Variants in PCSK5 observed in about 807,000 individuals in gnomAD.
PCSK5 encodes proprotein convertase subtilisin/kexin type 5.
A neutral mutation model predicts 233.2 loss-of-function variants in PCSK5; 129 were observed. That is an observed-to-expected ratio of 0.55 (90% CI 0.48 to 0.64). PCSK5 has a LOEUF of 0.64. PCSK5 is among the 30% of genes least tolerant of loss of function. The pLI, the probability that PCSK5 is intolerant of heterozygous loss-of-function variation, is 0.00. For synonymous variants in PCSK5, 825 were observed against 879.2 expected (o/e 0.94, Z 1.09); for missense variants, 2,076 against 2,430.1 (o/e 0.85, Z 3.06).
At chr9:76,159,892 G>A (rs1219256566) in intron 12 of PCSK5, among the ~76,000 whole-genome samples, 1 of 140,758 alleles carries the variant, frequency 7.1e-6, no homozygotes, top group Middle Eastern at 3.6e-3. Context: ...GTGTGATCTC[G>A]GCTCACTGCA....
chr9:76,248,127 A>G (rs1826678908), intron 24 of PCSK5, among the ~76,000 whole-genome samples: 1 of 152,172 alleles, frequency 6.6e-6, no homozygotes, highest in Non-Finnish European at 1.5e-5. Flanking sequence ...ATGGGGTCGC[A>G]CTATACTTAC....
chr9:76,219,708 C>T (rs555051616), intron 20 of PCSK5, among the ~76,000 whole-genome samples: 1 of 152,214 alleles, frequency 6.6e-6, no homozygotes, highest in Non-Finnish European at 1.5e-5. Context: ...CTTCCCCTCT[C>T]CTGCTGCGGG....
chr9:75,996,654 G>T (rs995871011), intron 3 of PCSK5, among the ~76,000 whole-genome samples: 2 of 152,164 alleles, frequency 1.3e-5, no homozygotes, highest in South Asian at 2.1e-4. Flanking sequence ...ATTTCTGCCA[G>T]TGCAAATTAT....
intron 35 of PCSK5, among the ~76,000 whole-genome samples, chr9:76,347,517 C>A (rs1412959945): frequency 6.6e-6 from 1 of 152,172 alleles, no homozygotes; most frequent in Non-Finnish European, 1.5e-5. Flanking sequence ...TGATTTGTCA[C>A]CCAAAGCTGA....
intron 19 of PCSK5, 94 bp from the exon 20 acceptor site, chr9:76,189,537 A>T: frequency 1.3e-6 from 1 of 779,114 alleles, no homozygotes; most frequent in Non-Finnish European, 2.2e-6. Context: ...CTTCAGAGGG[A>T]TAATTAAATG....
intron 30 of PCSK5, 137 bp downstream of exon 30, chr9:76,310,988 T>G: frequency 1.6e-6 from 1 of 607,080 alleles, no homozygotes; most frequent in South Asian, 2.4e-5. Context: ...TTGACTGACA[T>G]GGGTGTGCGC....
chr9:76,046,160 GTTTTTTTTTTTTTTTTTT>G (rs71372041), intron 5 of PCSK5, among the ~76,000 whole-genome samples: 7 of 58,038 alleles, frequency 1.2e-4, no homozygotes, highest in Non-Finnish European at 1.9e-4. Flanking sequence ...TTTTTCTTTT[GTTTTTTTTTTTTTTTTTT>G]TTTTTTTTTT....
chr9:75,911,078 G>T (rs781039015), intron 1 of PCSK5, among the ~76,000 whole-genome samples: 1 of 152,056 alleles, frequency 6.6e-6, no homozygotes. Context: ...AACAGGGAGA[G>T]TAAAGGCTGT....
chr9:76,201,564 G>A (rs777725125), intron 20 of PCSK5, among the ~76,000 whole-genome samples: 8 of 152,196 alleles, frequency 5.3e-5, no homozygotes, highest in Middle Eastern at 3.2e-3. Context: ...TGGAGTGTGC[G>A]ACGGGTTTCT....
At chr9:76,126,653 G>C (rs1253649147) in intron 9 of PCSK5, among the ~76,000 whole-genome samples, 1 of 152,130 alleles carries the variant, frequency 6.6e-6, no homozygotes, top group African/African-American at 2.4e-5. Flanking sequence ...GGATGGACTA[G>C]AGACTGTTAT....
chr9:76,152,555 T>C (rs1329722794), intron 10 of PCSK5, among the ~76,000 whole-genome samples: 1 of 152,212 alleles, frequency 6.6e-6, no homozygotes, highest in Non-Finnish European at 1.5e-5. Context: ...TCTTTCACTT[T>C]AGGAAGCTCA....
chr9:76,268,919 C>A (rs1827422678), intron 24 of PCSK5, among the ~76,000 whole-genome samples: 1 of 152,188 alleles, frequency 6.6e-6, no homozygotes, highest in South Asian at 2.1e-4. Context: ...TGGATTTAGT[C>A]CTCAAGCTGC....
intron 2 of PCSK5, among the ~76,000 whole-genome samples, chr9:75,951,774 C>G: frequency 6.9e-6 from 1 of 145,120 alleles, no homozygotes. Context: ...AAATTAAAAA[C>G]AAAAATACAG....
At chr9:75,985,682 A>T (rs1347605374) in intron 2 of PCSK5, among the ~76,000 whole-genome samples, 4 of 152,198 alleles carry the variant, frequency 2.6e-5, no homozygotes, top group Non-Finnish European at 5.9e-5. Context: ...CATATCATCT[A>T]CAGTGCTGCA....
rs1830452595 is a variant in PCSK5, at chr9:76,362,893, A to G, written c.*3971A>G. 6.6e-6 allele frequency among the ~76,000 whole-genome samples: 1 copy of G among 152,204 alleles called. No individual in the cohort carries two copies. The highest frequency in any genetic ancestry group is 2.1e-4 in the South Asian group (1 of 4,830). On this transcript the variant is annotated 3_prime_UTR_variant, in exon 38 of 38. Coordinates refer to ENST00000674117, the MANE Select transcript of PCSK5 (RefSeq NM_001372043.1). ...AGAGTTGTGAGCCCTTAAAAGGGAC[A>G]GGAATTGCTCACTCGGGGAGCTCGG...
rs375332284 is a variant in PCSK5 at position 75,891,139 on chromosome 9, C to G, written c.-43C>G. On this transcript the variant is annotated 5_prime_UTR_variant, in exon 1 of 38. Transcript: ENST00000674117. ...GTTAGTTGTGCGCGCCCTTAGTGCGCGGAACCAGCCAGCGAGCGAGGGAGC... is the reference window on the plus strand; with the variant it reads ...GTTAGTTGTGCGCGCCCTTAGTGCGGGGAACCAGCCAGCGAGCGAGGGAGC... 1.4e-6 allele frequency: 2 copies of G among 1,427,256 alleles called. No homozygotes were observed. The highest frequency in any genetic ancestry group is 3.0e-5 in the African/African-American group (2 of 66,882). 88.4% of individuals were successfully genotyped at this position (1,427,256 alleles called of 1,614,324 possible). A position where few individuals can be genotyped will look rare whatever the true frequency, so the allele number is the denominator to read the frequency against.
At chr9:76,087,199 A>G (rs1831099364) in intron 7 of PCSK5, among the ~76,000 whole-genome samples, 1 of 152,266 alleles carries the variant, frequency 6.6e-6, no homozygotes, top group South Asian at 2.1e-4. Flanking sequence ...CTCAGTGTCA[A>G]TCAACCCTTA....
intron 30 of PCSK5, among the ~76,000 whole-genome samples, chr9:76,320,454 G>T (rs1050767712): frequency 2.0e-5 from 2 of 98,386 alleles, no homozygotes; most frequent in Admixed American, 9.5e-5. Flanking sequence ...AAAAAAAAAA[G>T]TACATTGTAG....
Position 76,351,510 on chromosome 9 carries a change from A to AGG in PCSK5, c.5067+582_5067+583insGG, listed in dbSNP as rs1830145448. Among the ~76,000 whole-genome samples, 5 of 124,876 alleles carry AGG rather than the reference A, an allele frequency of 4.0e-5. 1 individual carries two copies. Among genetic ancestry groups the AGG allele is most frequent in the African/African-American group, 5.7e-5 (2 of 34,804 alleles). The allele number at this position is 124,876 out of a possible 152,430, so 81.9% of individuals were successfully genotyped here. On this transcript the variant is annotated intron_variant, in intron 36 of 37. Coordinates refer to ENST00000674117, the MANE Select transcript of PCSK5 (RefSeq NM_001372043.1). ...AAAGAAAGAAAGAAAGAAAGAAAGA[A>AGG]AGAAAGAAAGAAAGAAAGAAAGGAA...
Sources: allele counts gnomAD v4.1 joint callset (sites outside exome capture counted in the v4.1 genomes callset), GRCh38; gene constraint gnomAD v4.1.1; transcripts MANE v1.5; gene names NCBI Gene and HGNC (gene_info 2026-07-23, HGNC 2026-07-21).